Variants in PRH1 observed in about 807,000 individuals in gnomAD.
PRH1 encodes the protein salivary acidic proline-rich phosphoprotein 1/2.
Under a neutral mutation model 7.9 loss-of-function variants are expected in PRH1, and 7 were observed. The observed-to-expected ratio is 0.89, with a 90% confidence interval of 0.50 to 1.67. PRH1 has a LOEUF of 1.67. Ranked by LOEUF, PRH1 falls within the 40% of genes most tolerant of loss-of-function variation. The pLI, the probability that PRH1 is intolerant of heterozygous loss-of-function variation, is 0.00. For missense variants in PRH1, 109 were observed against 223.6 expected, an observed-to-expected ratio of 0.49 and a Z score of 3.27; for synonymous variants, 45 against 80.8, an observed-to-expected ratio of 0.56 and a Z score of 2.38.
At chr12:11,121,863 T>A (rs570788330) in intron 1 of PRH1, among the ~76,000 whole-genome samples, 2 of 152,292 alleles carry the variant, frequency 1.3e-5, no homozygotes, top group Admixed American at 1.3e-4. Context: ...AATTAGATGT[T>A]CAAACAATGA....
At chr12:10,891,067 T>C (rs534021873) in intron 2 of PRH1, among the ~76,000 whole-genome samples, 1 of 152,020 alleles carries the variant, frequency 6.6e-6, no homozygotes, top group Non-Finnish European at 1.5e-5. Flanking sequence ...TTCTGTAGGG[T>C]CTTTGGTGTC....
rs553488042 is a variant in PRH1 at position 10,937,866 on chromosome 12, A to G, written c.-59+35789T>C. 1.9e-3 allele frequency: 308 copies of G among 158,750 alleles called. 1 individual carries two copies. The highest frequency in any genetic ancestry group is 5.9e-3 in the South Asian group (29 of 4,888). The allele number at this position is 158,750 out of a possible 1,614,324, so 9.8% of individuals were successfully genotyped here. ...AAAAACACTTAATATAGGTACTAAA[A>G]TTCCATATTCTTTTATGTACTTTAT... On this transcript the variant is annotated intron_variant, in intron 2 of 3. Coordinates refer to the PRH1 transcript ENST00000539853.
At chr12:10,958,136 T>C (rs1938065238) in intron 2 of PRH1, among the ~76,000 whole-genome samples, 1 of 152,078 alleles carries the variant, frequency 6.6e-6, no homozygotes, top group South Asian at 2.1e-4. Flanking sequence ...GAACTATTCA[T>C]AATAGCAAAG....
intron 1 of PRH1, among the ~76,000 whole-genome samples, chr12:10,983,427 A>T (rs1246827900): frequency 6.6e-6 from 1 of 152,202 alleles, no homozygotes; most frequent in Non-Finnish European, 1.5e-5. Context: ...TCCTCAGATT[A>T]TCTTGACTGT....
At chr12:11,118,993 CAAAAAAAAAA>C (rs3983928), downstream of PRH1, among the ~76,000 whole-genome samples, 1 of 75,578 alleles carries the variant, frequency 1.3e-5, no homozygotes. Flanking sequence ...GACTCCATCT[CAAAAAAAAAA>C]AAAAAAAAAA....
chr12:10,975,471 T>TTAA (rs1050480577), intron 1 of PRH1, among the ~76,000 whole-genome samples: 76 of 152,046 alleles, frequency 5.0e-4, no homozygotes, highest in Non-Finnish European at 5.9e-5. Flanking sequence ...ACAAATACAC[T>TTAA]TAAGTACATA....
At chr12:11,149,843 T>C (rs1947006396) in intron 1 of PRH1, among the ~76,000 whole-genome samples, 1 of 131,664 alleles carries the variant, frequency 7.6e-6, no homozygotes, top group Non-Finnish European at 1.7e-5. Flanking sequence ...CTCAAGAGCT[T>C]CTGCACAGCA....
chr12:11,156,437 C>T (rs1027659422), intron 1 of PRH1, among the ~76,000 whole-genome samples: 1 of 152,134 alleles, frequency 6.6e-6, no homozygotes, highest in African/African-American at 2.4e-5. Context: ...TACTTCTTCC[C>T]TACATTCTCT....
chr12:10,997,862 A>T (rs150777461), intron 1 of PRH1: 1 of 1,595,558 alleles, frequency 6.3e-7, no homozygotes, highest in African/African-American at 1.3e-5. Context: ...AACAATGTGT[A>T]GAAAACTCAT....
intron 1 of PRH1, chr12:10,986,977 T>G: frequency 1.4e-6 from 1 of 732,562 alleles, no homozygotes; most frequent in Non-Finnish European, 2.0e-6. Flanking sequence ...GTAACATTCT[T>G]TTTACTTTTA....
At chr12:10,956,332 C>G (rs951307031) in intron 2 of PRH1, among the ~76,000 whole-genome samples, 1 of 152,138 alleles carries the variant, frequency 6.6e-6, no homozygotes, top group East Asian at 1.9e-4. Context: ...ACATTACTAT[C>G]TCAATAGATG....
chr12:10,883,741 G>A (rs1269241153), intron 1 of PRH1, among the ~76,000 whole-genome samples: 2 of 152,066 alleles, frequency 1.3e-5, no homozygotes, highest in African/African-American at 2.4e-5. Flanking sequence ...TCTCTGCCTC[G>A]GCAGTAGCTC....
At chr12:10,912,710 T>G (rs1949917660) in intron 2 of PRH1, among the ~76,000 whole-genome samples, 1 of 152,104 alleles carries the variant, frequency 6.6e-6, no homozygotes, top group Admixed American at 6.5e-5. Flanking sequence ...ATTTTAAATA[T>G]TTTCTAAATT....
At chr12:11,046,997 C>T (rs1158108153) in intron 1 of PRH1, 1 of 493,222 alleles carries the variant, frequency 2.0e-6, no homozygotes, top group Non-Finnish European at 4.2e-6. Context: ...GGTTTGAAAA[C>T]ACGTCTAAGT....
chr12:10,897,361 G>A (rs1029272436), intron 2 of PRH1, among the ~76,000 whole-genome samples: 3 of 151,740 alleles, frequency 2.0e-5, no homozygotes, highest in Non-Finnish European at 2.9e-5. Flanking sequence ...TCTCAGCTCC[G>A]CCTTAGATAA....
chr12:10,887,614 C>T (rs371674154), upstream of PRH1, among the ~76,000 whole-genome samples: 37 of 151,188 alleles, frequency 2.4e-4, no homozygotes, highest in East Asian at 1.2e-3. Flanking sequence ...TTCCACCTCC[C>T]GGGTTCAAGC....
At chr12:11,020,706 T>G (rs73047153) in intron 1 of PRH1, among the ~76,000 whole-genome samples, 2,577 of 151,332 alleles carry the variant, frequency 0.017, 37 homozygotes, top group Non-Finnish European at 0.023. Context: ...GAGGAAAGTT[T>G]CATTTGATTA....
chr12:10,939,960 C>T (rs1447411595), intron 2 of PRH1, among the ~76,000 whole-genome samples: 1 of 152,038 alleles, frequency 6.6e-6, no homozygotes, highest in African/African-American at 2.4e-5. Flanking sequence ...ATCATAACAA[C>T]ACCTGATACC....
intron 1 of PRH1, among the ~76,000 whole-genome samples, chr12:11,013,832 C>T (rs533038974): frequency 7.1e-6 from 1 of 141,410 alleles, no homozygotes; most frequent in African/African-American, 2.5e-5. Context: ...CAGCCTCAAT[C>T]TGTTTCCCAC....
Sources: allele counts gnomAD v4.1 joint callset (sites outside exome capture counted in the v4.1 genomes callset), GRCh38; gene constraint gnomAD v4.1.1; transcripts MANE v1.5; gene names NCBI Gene and HGNC (gene_info 2026-07-23, HGNC 2026-07-21).